The following SUZ12 variants were observed in gnomAD, a reference collection of about 807,000 sequenced individuals.
SUZ12 encodes SUZ12 polycomb repressive complex 2 subunit, also known as polycomb protein SUZ12.
SUZ12 carries 17 observed loss-of-function variants against 87.3 expected under a neutral mutation model. The ratio of observed to expected loss-of-function variants is 0.19; its 90% CI spans 0.13 to 0.29. SUZ12 has a LOEUF of 0.29. Among genes scored for constraint, SUZ12 ranks in the 10% least tolerant of loss-of-function variants. The pLI, the probability that SUZ12 is intolerant of heterozygous loss-of-function variation, is 1.00. For synonymous variants in SUZ12, 253 were observed against 312.4 expected, an observed-to-expected ratio of 0.81 and a Z score of 2.01; for missense variants, 526 against 912.2, an observed-to-expected ratio of 0.58 and a Z score of 5.45.
rs573213321 is a variant in SUZ12 at position 31,937,411 on chromosome 17, C to T, written c.165C>T (p.Ser55=). 3.4e-4 allele frequency: 530 copies of T among 1,542,060 alleles called. 3 individuals are homozygous for T. In the South Asian group the frequency reaches 5.8e-3, roughly 17 times the overall value. ...SCGGGGSYSA[S]SSSSAAAAAG... ...GAGGGGGTGGCAGTTACTCGGCCTC[C>T]TCCTCCTCCTCCGCGGCGGCAGCGG... is the stretch of plus-strand genomic sequence containing the variant. Residue 55 remains serine (S), a synonymous_variant, in exon 1 of 16, where the codon TCC becomes TCT. Coordinates refer to ENST00000322652, the MANE Select transcript of SUZ12 (RefSeq NM_015355.4).
At chr17:31,982,661 C>CAAAT (rs374437953) in intron 8 of SUZ12, among the ~76,000 whole-genome samples, 56 of 151,876 alleles carry the variant, frequency 3.7e-4, no homozygotes, top group African/African-American at 6.0e-4. Flanking sequence ...GACTCCATCT[C>CAAAT]AAATAAATAA....
At chr17:31,970,452 G>C (rs1400012639) in intron 5 of SUZ12, among the ~76,000 whole-genome samples, 6 of 151,988 alleles carry the variant, frequency 3.9e-5, no homozygotes, top group Non-Finnish European at 7.4e-5. Context: ...ACATGGTGAA[G>C]CCCCGTCTCT....
intron 4 of SUZ12, among the ~76,000 whole-genome samples, chr17:31,951,230 A>G (rs2142134753): frequency 6.6e-6 from 1 of 152,298 alleles, no homozygotes; most frequent in South Asian, 2.1e-4. Context: ...CTCAAAGTTC[A>G]AGGGGTATCA....
At chr17:31,971,710 G>A (rs1469557281) in intron 5 of SUZ12, among the ~76,000 whole-genome samples, 6 of 152,042 alleles carry the variant, frequency 3.9e-5, no homozygotes, top group African/African-American at 9.7e-5. Context: ...GATTATAGGC[G>A]TGAGCCACCA....
At chr17:31,945,680 G>A (rs1906592338) in intron 3 of SUZ12, among the ~76,000 whole-genome samples, 1 of 151,990 alleles carries the variant, frequency 6.6e-6, no homozygotes, top group African/African-American at 2.4e-5. Context: ...TTATGAGGTT[G>A]GTTTTGTTTT....
intron 8 of SUZ12, among the ~76,000 whole-genome samples, chr17:31,979,646 G>A (rs1393586091): frequency 1.3e-5 from 2 of 152,186 alleles, no homozygotes; most frequent in Non-Finnish European, 2.9e-5. Context: ...AATGAGTGAT[G>A]TGTTCTTTAC....
rs1327396251 is a variant in SUZ12, at chr17:31,989,949, GTTTGTTTGT to G, written c.1201+1463_1201+1471del. On this transcript the variant is annotated intron_variant, in intron 10 of 15. Coordinates refer to ENST00000322652, the MANE Select transcript of SUZ12 (RefSeq NM_015355.4). ...TTATAACTCACATATAAGTTTTTCT[GTTTGTTTGT>G]TTTGTTTGTTGTTTTCTTTTTTGAG... 5.3e-5 allele frequency among the ~76,000 whole-genome samples: 8 copies of G among 150,048 alleles called. No homozygotes were observed. The East Asian group carries it at 1.6e-3, about 30-fold the overall frequency.
chr17:31,937,595 C>T, intron 1 of SUZ12, 75 bp downstream of exon 1: 2 of 1,514,372 alleles, frequency 1.3e-6, no homozygotes, highest in Non-Finnish European at 1.8e-6. Flanking sequence ...CTGCTGGGCC[C>T]CCTTCCTCCT....
chr17:31,953,350 G>A (rs1598154004), intron 4 of SUZ12, among the ~76,000 whole-genome samples: 3 of 152,090 alleles, frequency 2.0e-5, no homozygotes, highest in East Asian at 3.9e-4. Context: ...ACCTCAGGTG[G>A]TCCATCCGCC....
chr17:31,940,612 T>A, intron 3 of SUZ12, 126 bp downstream of exon 3: 1 of 1,415,354 alleles, frequency 7.1e-7, no homozygotes, highest in Non-Finnish European at 9.3e-7. Context: ...AGATTTAAGA[T>A]GAAAACTGAA....
intron 5 of SUZ12, among the ~76,000 whole-genome samples, chr17:31,972,326 T>C (rs1294677396): frequency 1.3e-5 from 2 of 150,426 alleles, no homozygotes; most frequent in African/African-American, 4.9e-5. Flanking sequence ...TATATATGTA[T>C]GTATGTGTAT....
intron 8 of SUZ12, among the ~76,000 whole-genome samples, chr17:31,979,678 G>GTAA (rs1908982262): frequency 6.6e-6 from 1 of 152,142 alleles, no homozygotes; most frequent in Non-Finnish European, 1.5e-5. Flanking sequence ...CAGACAAAAG[G>GTAA]TAATATTAGG....
At chr17:31,976,818 T>G (rs1036736528) in intron 8 of SUZ12, among the ~76,000 whole-genome samples, 6 of 152,200 alleles carry the variant, frequency 3.9e-5, no homozygotes, top group Non-Finnish European at 7.3e-5. Context: ...GATAGCTCAG[T>G]TAAACTTACT....
chr17:31,971,937 C>T (rs1359357115), intron 5 of SUZ12, among the ~76,000 whole-genome samples: 1 of 152,030 alleles, frequency 6.6e-6, no homozygotes, highest in Non-Finnish European at 1.5e-5. Flanking sequence ...GCAACATAGC[C>T]AGACCCTTGT....
intron 8 of SUZ12, among the ~76,000 whole-genome samples, chr17:31,982,228 CATT>C (rs1909153426): frequency 1.3e-5 from 2 of 152,156 alleles, no homozygotes; most frequent in South Asian, 2.1e-4. Context: ...CCAGATTCGT[CATT>C]ATAATAATCA....
At chr17:31,994,373 A>G (rs1598190041) in intron 12 of SUZ12, 191 bp from the exon 13 acceptor site, 1 of 478,026 alleles carries the variant, frequency 2.1e-6, no homozygotes, top group East Asian at 3.4e-5. Flanking sequence ...TCACCAAGCA[A>G]TAAATGACAT....
chr17:31,976,643 A>G (rs1447774570), intron 8 of SUZ12, 29 bp downstream of exon 8: 12 of 1,484,256 alleles, frequency 8.1e-6, no homozygotes, highest in Non-Finnish European at 1.1e-5. Flanking sequence ...TGAGGCTCCC[A>G]CAATGTTCTG....
intron 4 of SUZ12, among the ~76,000 whole-genome samples, chr17:31,949,665 C>G (rs1236841185): frequency 1.3e-4 from 6 of 47,624 alleles, no homozygotes; most frequent in South Asian, 3.4e-3. Flanking sequence ...ACCCAGCCCC[C>G]CCCCCCCCCC....
intron 10 of SUZ12, among the ~76,000 whole-genome samples, chr17:31,989,685 G>C (rs1315012130): frequency 6.6e-6 from 1 of 151,084 alleles, no homozygotes; most frequent in Non-Finnish European, 1.5e-5. Flanking sequence ...TGCACGCTCT[G>C]CCTCCCTGGT....
Sources: gnomAD v4.1 joint callset for allele counts (sites outside exome capture counted in the v4.1 genomes callset) on GRCh38, gnomAD v4.1.1 for gene constraint, MANE v1.5 for transcripts, NCBI Gene and HGNC (gene_info 2026-07-23, HGNC 2026-07-21) for gene names.